The following USP26 variants were observed in gnomAD, a reference collection of about 807,000 sequenced individuals.
The protein encoded by USP26 is ubiquitin specific peptidase 26.
For missense variants in USP26, 649 were observed against 642.3 expected, an observed-to-expected ratio of 1.01 and a Z score of -0.11; for synonymous variants, 236 against 240.6, an observed-to-expected ratio of 0.98 and a Z score of 0.18.
intron 5 of USP26, among the ~76,000 whole-genome samples, chrX:133,056,397 T>C (rs773172861): frequency 7.2e-5 from 8 of 111,115 alleles, no homozygotes; most frequent in South Asian, 7.8e-4. Context: ...CCACCGTCAG[T>C]CCTTTGTGAC....
rs1286100355 is a variant in USP26, at chrX:133,059,836, A to T, written c.-77+23871T>A. On this transcript the variant is annotated intron_variant, in intron 5 of 5. Transcript: ENST00000511190. The stretch of plus-strand genomic sequence containing the variant: ...TTCCTCTTCCTTAAAATCACTGACA[A>T]TGATCTCCAACAGATTGTTACAAAG... 3.6e-5 allele frequency among the ~76,000 whole-genome samples: 4 copies of T among 111,721 alleles called. No individual in the cohort carries two copies. In the East Asian group the frequency reaches 1.1e-3, roughly 31 times the overall value.
Position 133,046,632 on chromosome X carries a change from CGAGA to C in USP26, c.-76-18340_-76-18337del, listed in dbSNP as rs34047132. 2.3e-3 allele frequency among the ~76,000 whole-genome samples: 237 copies of C among 104,242 alleles called. 3 individuals carry two copies. The highest frequency in any genetic ancestry group is 7.1e-3 in the African/African-American group (204 of 28,761). The allele number at this position is 104,242 out of a possible 115,157, so 90.5% of individuals were successfully genotyped here. On this transcript the variant is annotated intron_variant, in intron 5 of 5. Coordinates refer to ENST00000511190, the MANE Select transcript of USP26 (RefSeq NM_031907.3). ...TGCCATTTAAAAAGTGTGTGTGAGACGAGAGAGAGAGAGAGAGAGAGAGAAACAG... is the reference window on the plus strand; with the variant it reads ...TGCCATTTAAAAAGTGTGTGTGAGACGAGAGAGAGAGAGAGAGAGAAACAG...
chrX:133,096,810 G>A (rs1180259928), intron 1 of USP26, among the ~76,000 whole-genome samples: 3 of 111,584 alleles, frequency 2.7e-5, no homozygotes, highest in African/African-American at 6.5e-5. Flanking sequence ...CAGGAGAATC[G>A]CTTAAACCCA....
chrX:133,034,146 C>T (rs768015110), intron 5 of USP26, among the ~76,000 whole-genome samples: 3 of 111,723 alleles, frequency 2.7e-5, no homozygotes, highest in East Asian at 2.8e-4. Flanking sequence ...GCCTGTGATA[C>T]CCTGCAATGC....
chrX:133,030,325 G>T (rs955928801), intron 5 of USP26, among the ~76,000 whole-genome samples: 2 of 111,329 alleles, frequency 1.8e-5, no homozygotes, highest in Non-Finnish European at 3.8e-5. Flanking sequence ...GTGCCAAGCA[G>T]CTGGTTGTCC....
In USP26 at chrX:133,025,698, A is replaced by G; in HGVS notation, c.2523T>C (p.His841=). The G allele has an allele frequency of 2.5e-6, 3 of 1,211,663 alleles. No homozygotes were observed. The highest frequency in any genetic ancestry group is 3.4e-6 in the Non-Finnish European group (3 of 895,443). Residue 841 remains histidine (H), a synonymous_variant, in exon 6 of 6, where the codon CAT becomes CAC. Transcript: ENST00000511190. ...SHLGKTLKSG[H]YICDAYDFEK... ...CAAAGTCATAGGCATCACAGATATA[A>G]TGGCCTGACTTTAGAGTCTTCCCAA...
At position 133,025,764 on chromosome X, in the gene USP26, C is replaced by T; in HGVS notation, c.2457G>A (p.Lys819=). The change falls in exon 6 of 6, where the codon AAG becomes AAA. Residue 819 remains lysine (K), a synonymous_variant. Coordinates refer to ENST00000511190, the MANE Select transcript of USP26 (RefSeq NM_031907.3). ...KAKETKRNDD[K]GDHTYRLISV... is the part of the protein sequence containing the mutation. The stretch of plus-strand genomic sequence containing the variant: ...TAATGAGCCGGTAGGTATGATCTCC[C>T]TTATCATCATTTCTTTTTGTTTCCT... 1 of 1,209,818 alleles carries T rather than the reference C, an allele frequency of 8.3e-7. No individual in the cohort carries two copies. The highest frequency in any genetic ancestry group is 1.1e-6 in the Non-Finnish European group (1 of 893,851).
intron 5 of USP26, among the ~76,000 whole-genome samples, chrX:133,034,410 A>T (rs1054141268): frequency 2.7e-5 from 3 of 111,699 alleles, no homozygotes; most frequent in Non-Finnish European, 5.6e-5. Context: ...CAAGCTGACT[A>T]TGACATGAAG....
chrX:133,047,643 C>A (rs971594331), intron 5 of USP26, among the ~76,000 whole-genome samples: 3 of 111,864 alleles, frequency 2.7e-5, no homozygotes, highest in Non-Finnish European at 5.6e-5. Flanking sequence ...GAAATCCTAA[C>A]TCCAAAGTGA....
At chrX:133,046,974 C>A (rs1028326463) in intron 5 of USP26, among the ~76,000 whole-genome samples, 4 of 112,013 alleles carry the variant, frequency 3.6e-5, no homozygotes, top group Non-Finnish European at 5.6e-5. Flanking sequence ...AAGAAAACTG[C>A]TCCATGTTGA....
At position 133,027,921 on chromosome X, in the gene USP26, T is replaced by C. The variant is rs780428582; in HGVS notation, c.300A>G (p.Arg100=). The C allele has an allele frequency of 5.0e-5, 61 of 1,209,638 alleles. No homozygotes were observed. The highest frequency in any genetic ancestry group is 3.4e-6 in the Non-Finnish European group (3 of 894,851). The change falls in exon 6 of 6, where the codon AGA becomes AGG. Residue 100 remains arginine (R), a synonymous_variant. Transcript: ENST00000511190. ...DAEQLKIFLD[R]VHQNEVQPPV... Reference sequence around the variant, plus strand: ...GTGGCTGAACCTCGTTTTGATGAACTCTGTCCAAGAATATCTTCAATTGTT... The same window carrying C: ...GTGGCTGAACCTCGTTTTGATGAACCCTGTCCAAGAATATCTTCAATTGTT...
At chrX:133,058,461 G>T (rs1162351014) in intron 5 of USP26, among the ~76,000 whole-genome samples, 1 of 111,648 alleles carries the variant, frequency 9.0e-6, no homozygotes, top group Non-Finnish European at 1.9e-5. Context: ...ACAAACTATT[G>T]TTAGATACAC....
At chrX:133,041,689 G>A (rs2067419947) in intron 5 of USP26, among the ~76,000 whole-genome samples, 1 of 112,565 alleles carries the variant, frequency 8.9e-6, no homozygotes, top group African/African-American at 3.2e-5. Context: ...CCCACTTAAG[G>A]AGGCAGTCTG....
At position 133,027,307 on chromosome X, in the gene USP26, T is replaced by A; in HGVS notation, c.914A>T (p.Tyr305Phe). Residue 305 changes from tyrosine (Y) to phenylalanine (F), a missense_variant, in exon 6 of 6, where the codon TAT (tyrosine) becomes TTT (phenylalanine). Tyr to Phe is a conservative substitution (Grantham distance 22). Coordinates refer to ENST00000511190, the MANE Select transcript of USP26 (RefSeq NM_031907.3). Reference sequence around the variant, plus strand: ...TAGAGACTGTAACACTGCATTCATATAACAGGTGTTTCCCAAATTGGGGAG... The same window carrying A: ...TAGAGACTGTAACACTGCATTCATAAAACAGGTGTTTCCCAAATTGGGGAG... ...HGLPNLGNTC[Y>F]MNAVLQSLLS... 8.3e-7 allele frequency: 1 copy of A among 1,210,945 alleles called. No individual in the cohort carries two copies.
chrX:133,077,945 A>G (rs1035793936), intron 5 of USP26, among the ~76,000 whole-genome samples: 1 of 111,016 alleles, frequency 9.0e-6, no homozygotes, highest in Non-Finnish European at 1.9e-5. Context: ...TTAGCCAAGC[A>G]TGGTGGTGTG....
At chrX:133,096,047 ATTTTTTTTTTTTTT>A (rs779131148) in intron 1 of USP26, among the ~76,000 whole-genome samples, 11 of 36,539 alleles carry the variant, frequency 3.0e-4, no homozygotes, top group Admixed American at 5.6e-4. Context: ...GCCCGGCCTA[ATTTTTTTTTTTTTT>A]TTTTTTTTTT....
intron 5 of USP26, among the ~76,000 whole-genome samples, chrX:133,049,155 T>G (rs970508951): frequency 3.0e-4 from 34 of 112,080 alleles, no homozygotes; most frequent in Non-Finnish European, 1.1e-4. Context: ...CAATTTCTAG[T>G]GTACTTTTTC....
intron 5 of USP26, among the ~76,000 whole-genome samples, chrX:133,081,324 G>A (rs1158103780): frequency 9.7e-5 from 3 of 30,798 alleles, no homozygotes; most frequent in Non-Finnish European, 1.9e-4. Context: ...AGAGCACTCA[G>A]TCTTTCTGTC....
chrX:133,048,945 G>T (rs1333252213), intron 5 of USP26, among the ~76,000 whole-genome samples: 2 of 111,790 alleles, frequency 1.8e-5, no homozygotes, highest in Non-Finnish European at 3.8e-5. Context: ...GGAGCTGCTG[G>T]ACATGTCACT....
Sources: allele counts gnomAD v4.1 joint callset (sites outside exome capture counted in the v4.1 genomes callset), GRCh38; gene constraint gnomAD v4.1.1; transcripts MANE v1.5; gene names NCBI Gene and HGNC (gene_info 2026-07-23, HGNC 2026-07-21).